KCNMB2: variants seen among roughly 807,000 people sequenced by gnomAD.
KCNMB2 encodes calcium-activated potassium channel subunit beta-2.
In KCNMB2, 9 loss-of-function variants were observed where a neutral mutation model predicts 24.5. The observed-to-expected ratio is 0.37, with a 90% CI of 0.22 to 0.64. KCNMB2 has a LOEUF of 0.64. Among genes scored for constraint, KCNMB2 ranks in the 30% least tolerant of loss-of-function variants. The pLI is 0.63. For missense variants in KCNMB2, 226 were observed against 284.3 expected, an observed-to-expected ratio of 0.79 and a Z score of 1.47; for synonymous variants, 109 against 104.4, an observed-to-expected ratio of 1.04 and a Z score of -0.27.
chr3:178,636,362 G>A lies in KCNMB2; in HGVS notation c.-68+99651G>A, dbSNP rs1719521209. ...AATCACCACTAAAGAACTTACTCATGTAACTAAATACCACCTGTACCCCAA... is the reference window on the plus strand; with the variant it reads ...AATCACCACTAAAGAACTTACTCATATAACTAAATACCACCTGTACCCCAA... On this transcript the variant is annotated intron_variant, in intron 1 of 4. Transcript: ENST00000452583. Among the ~76,000 whole-genome samples the A allele has an allele frequency of 3.9e-5, 6 of 152,112 alleles. No homozygotes were observed. In the South Asian group the frequency reaches 1.2e-3, roughly 32 times the overall value.
At chr3:178,559,593 C>T (rs1322913562) in intron 1 of KCNMB2, among the ~76,000 whole-genome samples, 1 of 150,664 alleles carries the variant, frequency 6.6e-6, no homozygotes, top group African/African-American at 2.4e-5. Context: ...TATTTTATAT[C>T]ACTAATTAAC....
intron 1 of KCNMB2, among the ~76,000 whole-genome samples, chr3:178,614,656 C>T (rs1219391507): frequency 6.6e-6 from 1 of 151,998 alleles, no homozygotes; most frequent in South Asian, 2.1e-4. Context: ...ATATCACTTA[C>T]AAAATTCTGA....
rs1051032498 is a variant in KCNMB2, at chr3:178,579,585, G to A, written c.-68+42874G>A. ...AAAAAATCAAAGAATCCATGAGCTGGTTTATTTGAAAAGATTAACAAAATA... is the reference window on the plus strand; with the variant it reads ...AAAAAATCAAAGAATCCATGAGCTGATTTATTTGAAAAGATTAACAAAATA... On this transcript the variant is annotated intron_variant, in intron 1 of 4. Coordinates refer to ENST00000452583, the MANE Select transcript of KCNMB2 (RefSeq NM_181361.3). 2.3e-4 allele frequency among the ~76,000 whole-genome samples: 35 copies of A among 152,244 alleles called. No homozygotes were observed. The South Asian group carries it at 6.0e-3, about 26-fold the overall frequency.
chr3:178,781,128 A>G (rs1712813883), intron 1 of KCNMB2, among the ~76,000 whole-genome samples: 1 of 152,080 alleles, frequency 6.6e-6, no homozygotes, highest in Non-Finnish European at 1.5e-5. Context: ...GGTTAAATAA[A>G]ATATATTATT....
chr3:178,595,077 C>CAAA (rs1717820216), intron 1 of KCNMB2, among the ~76,000 whole-genome samples: 49 of 67,910 alleles, frequency 7.2e-4, no homozygotes, highest in African/African-American at 1.5e-3. Context: ...AAAAAAAAAT[C>CAAA]AATACATCAA....
rs1192586547 is a variant in KCNMB2 at position 178,758,387 on chromosome 3, C to CAT, written c.-67-48927_-67-48926dup. On this transcript the variant is annotated intron_variant, in intron 1 of 4. Transcript: ENST00000452583. ...ATATATATATCTCCAAGAGGGGATA[C>CAT]ATATATATATATATATATATATATA... Among the ~76,000 whole-genome samples the CAT allele has an allele frequency of 9.6e-3, 31 of 3,236 alleles. 3 individuals are homozygous for CAT. The highest frequency in any genetic ancestry group is 0.03 in the East Asian group (4 of 132). The allele number at this position is 3,236 out of a possible 152,430, so 2.1% of individuals were successfully genotyped here. A position where few individuals can be genotyped will look rare whatever the true frequency, so the allele number is the denominator to read the frequency against.
At chr3:178,599,316 G>T (rs999791144) in intron 1 of KCNMB2, among the ~76,000 whole-genome samples, 1 of 151,938 alleles carries the variant, frequency 6.6e-6, no homozygotes, top group Non-Finnish European at 1.5e-5. Context: ...AATACATCAG[G>T]GATGGCTGAA....
chr3:178,539,590 A>G lies in KCNMB2; in HGVS notation c.-68+2879A>G, dbSNP rs146282767. 4.3e-3 allele frequency among the ~76,000 whole-genome samples: 649 copies of G among 152,270 alleles called. 5 individuals carry two copies. Among genetic ancestry groups the G allele is most frequent in the African/African-American group, 0.015 (624 of 41,562 alleles). ...TTTGCTTGTCTAAGCACAACTGATT[A>G]AAGATGCCATTCCATTGTCAAATCC... On this transcript the variant is annotated intron_variant, in intron 1 of 4. Transcript: ENST00000452583.
At chr3:178,558,421 G>A (rs765266703) in intron 1 of KCNMB2, among the ~76,000 whole-genome samples, 1 of 152,194 alleles carries the variant, frequency 6.6e-6, no homozygotes, top group Non-Finnish European at 1.5e-5. Flanking sequence ...AAGGATAGGA[G>A]CTGCAATTCT....
chr3:178,778,278 A>T (rs1169004496), intron 1 of KCNMB2, among the ~76,000 whole-genome samples: 2 of 152,172 alleles, frequency 1.3e-5, no homozygotes, highest in Admixed American at 1.3e-4. Context: ...CATTAAAAAG[A>T]GCTACTCAGT....
chr3:178,775,112 T>C (rs182839053), intron 1 of KCNMB2, among the ~76,000 whole-genome samples: 2 of 152,372 alleles, frequency 1.3e-5, no homozygotes, highest in African/African-American at 2.4e-5. Context: ...TATTGTAGCA[T>C]CTTGACTTTC....
intron 1 of KCNMB2, among the ~76,000 whole-genome samples, chr3:178,667,155 A>G (rs1560156559): frequency 6.6e-6 from 1 of 152,068 alleles, no homozygotes; most frequent in Non-Finnish European, 1.5e-5. Flanking sequence ...GAAAGAAGTA[A>G]CTAAGTTAAA....
chr3:178,723,138 A>T (rs1415461488), intron 1 of KCNMB2, among the ~76,000 whole-genome samples: 4 of 152,160 alleles, frequency 2.6e-5, no homozygotes, highest in African/African-American at 9.6e-5. Context: ...AAAATCAGTA[A>T]TATAATAATA....
chr3:178,540,612 C>G (rs942618171), intron 1 of KCNMB2, among the ~76,000 whole-genome samples: 1 of 152,226 alleles, frequency 6.6e-6, no homozygotes, highest in African/African-American at 2.4e-5. Flanking sequence ...ACCAAGCACT[C>G]TCAAACCTCA....
intron 1 of KCNMB2, among the ~76,000 whole-genome samples, chr3:178,713,649 G>T (rs1354054072): frequency 2.0e-5 from 3 of 152,054 alleles, no homozygotes; most frequent in African/African-American, 4.8e-5. Context: ...CCATAGGTAT[G>T]GTCTCTGCCA....
At chr3:178,648,774 G>A (rs1296953096) in intron 1 of KCNMB2, among the ~76,000 whole-genome samples, 4 of 152,042 alleles carry the variant, frequency 2.6e-5, no homozygotes, top group African/African-American at 9.7e-5. Context: ...AAGATTTTTT[G>A]GTTTATAGAC....
In KCNMB2 at chr3:178,672,552, A is replaced by C. The variant is rs550929195; in HGVS notation, c.-67-134791A>C. On this transcript the variant is annotated intron_variant, in intron 1 of 4. Transcript: ENST00000452583. ...TAAAAAGATGACTGCTGTGTAACTG[A>C]TAGCCTAGAGGAGATAAAGTTTGCT... 2.0e-5 allele frequency among the ~76,000 whole-genome samples: 3 copies of C among 152,326 alleles called. No individual in the cohort carries two copies. The East Asian group carries it at 5.8e-4, about 29-fold the overall frequency.
chr3:178,580,152 C>T (rs1717145971), intron 1 of KCNMB2, among the ~76,000 whole-genome samples: 1 of 152,174 alleles, frequency 6.6e-6, no homozygotes, highest in African/African-American at 2.4e-5. Flanking sequence ...AATCCATCAG[C>T]ACATCAAAAA....
chr3:178,614,293 A>ATG (rs1424585232), intron 1 of KCNMB2, among the ~76,000 whole-genome samples: 25 of 85,948 alleles, frequency 2.9e-4, no homozygotes, highest in African/African-American at 9.6e-4. Flanking sequence ...ATATATATAT[A>ATG]TATGTATGTA....
Sources: gnomAD v4.1 joint callset for allele counts (sites outside exome capture counted in the v4.1 genomes callset) on GRCh38, gnomAD v4.1.1 for gene constraint, MANE v1.5 for transcripts, NCBI Gene and HGNC (gene_info 2026-07-23, HGNC 2026-07-21) for gene names.